HLTF: variants seen among roughly 807,000 people sequenced by gnomAD.
HLTF encodes helicase like transcription factor.
In HLTF, 127 loss-of-function variants were observed where a neutral mutation model predicts 129.4. The ratio of observed to expected loss-of-function variants is 0.98; its 90% CI spans 0.85 to 1.14. HLTF has a LOEUF of 1.14. Among genes scored for constraint, HLTF ranks in the 50% most tolerant of loss-of-function variants. HLTF has a pLI of 0.00. For synonymous variants in HLTF, 332 were observed against 388.8 expected (o/e 0.85, Z 1.72); for missense variants, 1,139 against 1,187.1 (o/e 0.96, Z 0.60).
chr3:149,082,656 T>C (rs1005285179), intron 2 of HLTF, among the ~76,000 whole-genome samples: 1 of 152,184 alleles, frequency 6.6e-6, no homozygotes, highest in African/African-American at 2.4e-5. Flanking sequence ...CATTTTATCA[T>C]ACGTAAACCA....
chr3:149,034,162 T>C (rs1232552833), intron 24 of HLTF, among the ~76,000 whole-genome samples: 1 of 152,150 alleles, frequency 6.6e-6, no homozygotes, highest in Non-Finnish European at 1.5e-5. Flanking sequence ...AAGCATAAAT[T>C]AACAATTTTC....
In HLTF at chr3:149,073,022, G is replaced by A. The variant is rs568273428; in HGVS notation, c.627+203C>T. Among the ~76,000 whole-genome samples the A allele has an allele frequency of 1.2e-4, 19 of 152,110 alleles. No individual in the cohort carries two copies. The South Asian group carries it at 3.5e-3, about 28-fold the overall frequency. On this transcript the variant is annotated intron_variant, in intron 5 of 24. Transcript: ENST00000310053. ...TTGTATGTTGGGTACAAATGTTCAC[G>A]TATGGATTTATTCCTTATCAGTACT... is the stretch of plus-strand genomic sequence containing the variant.
Position 149,064,802 on chromosome 3 carries a change from C to T in HLTF, c.1055G>A (p.Gly352Glu). The change falls in exon 9 of 25, where the codon GGA (glycine) becomes GAA (glutamate). Residue 352 changes from glycine (G) to glutamate (E), a missense_variant. Gly to Glu is a moderately conservative substitution (Grantham distance 98). Coordinates refer to ENST00000310053, the MANE Select transcript of HLTF (RefSeq NM_003071.4). ...GGNNTSEKADGLSKDASRCSE... is the reference protein window; with the variant it reads ...GGNNTSEKADELSKDASRCSE... ...AAATTAGCATTTACCTTTGCTTAGT[C>T]CATCTGCCTTTTCACTGGTATTGTT... 1 of 1,578,810 alleles carries T rather than the reference C, an allele frequency of 6.3e-7. No individual in the cohort carries two copies. Among genetic ancestry groups the T allele is most frequent in the Non-Finnish European group, 8.7e-7 (1 of 1,148,522 alleles).
At position 149,086,317 on chromosome 3, in the gene HLTF, C is replaced by A; in HGVS notation, c.20G>T (p.Arg7Met). 1.2e-6 allele frequency: 2 copies of A among 1,603,174 alleles called. No individual in the cohort carries two copies. Among genetic ancestry groups the A allele is most frequent in the South Asian group, 1.1e-5 (1 of 88,994 alleles). Residue 7 changes from arginine to methionine, a missense_variant and splice_region_variant, in exon 1 of 25, where the codon AGG (arginine) becomes ATG (methionine). Transcript: ENST00000310053. ...GCCCCACCCCCTCCGCCCCCTTCAC[C>A]TCTTGAACATCCAGGACATGGCGCT... MSWMFKRDPVWKYLQTV... is the reference protein window; with the variant it reads MSWMFKMDPVWKYLQTV...
chr3:149,046,234 TA>T lies in HLTF; in HGVS notation c.1917del (p.Asn639LysfsTer43), dbSNP rs1360054340. ...CTTGTCTTTGTTCTTCTAAGTGTAATATTTTTAATTAGGGACTGTAAACGCC... is the reference window on the plus strand; with the variant it reads ...CTTGTCTTTGTTCTTCTAAGTGTAATTTTTTAATTAGGGACTGTAAACGCC... ...GLRRLQSLIK[N>X]ITLRRTKTSK... On this transcript the variant is annotated frameshift_variant, in exon 18 of 25. Transcript: ENST00000310053. LOFTEE classifies it high-confidence loss of function. 11 of 1,581,258 alleles carry T rather than the reference TA, an allele frequency of 7.0e-6. No individual in the cohort carries two copies. Among genetic ancestry groups the T allele is most frequent in the Non-Finnish European group, 9.5e-6 (11 of 1,156,604 alleles).
chr3:149,086,161 C>A (rs940379337), intron 1 of HLTF, among the ~76,000 whole-genome samples, 156 bp downstream of exon 1: 2 of 152,208 alleles, frequency 1.3e-5, no homozygotes, highest in African/African-American at 2.4e-5. Context: ...GAAGACAATG[C>A]ATTTATTTCT....
chr3:149,061,214 T>C (rs1377241899), intron 10 of HLTF, among the ~76,000 whole-genome samples: 2 of 151,872 alleles, frequency 1.3e-5, no homozygotes, highest in Non-Finnish European at 2.9e-5. Context: ...GGACTACAGG[T>C]GCGTGCCACT....
intron 14 of HLTF, 50 bp downstream of exon 14, chr3:149,055,253 G>C: frequency 7.8e-7 from 1 of 1,290,074 alleles, no homozygotes; most frequent in Non-Finnish European, 1.1e-6. Context: ...TTTCTACCTT[G>C]TAGATAAAAT....
At chr3:149,051,629 G>A (rs1037793208) in intron 14 of HLTF, among the ~76,000 whole-genome samples, 20 of 152,370 alleles carry the variant, frequency 1.3e-4, no homozygotes, top group African/African-American at 4.8e-4. Flanking sequence ...GGGAGGCCAA[G>A]GCGGGTGGAT....
In HLTF at chr3:149,036,297, G is replaced by GTTTTTTTTTTTTTTT. The variant is rs71135656; in HGVS notation, c.2797-1300_2797-1299insAAAAAAAAAAAAAAA. 9.0e-4 allele frequency among the ~76,000 whole-genome samples: 97 copies of GTTTTTTTTTTTTTTT among 107,964 alleles called. 8 individuals carry two copies. The highest frequency in any genetic ancestry group is 2.1e-3 in the African/African-American group (56 of 26,254). The allele number at this position is 107,964 out of a possible 152,430, so 70.8% of individuals were successfully genotyped here. A position where few individuals can be genotyped will look rare whatever the true frequency, so the allele number is the denominator to read the frequency against. On this transcript the variant is annotated intron_variant, in intron 23 of 24. Coordinates refer to ENST00000310053, the MANE Select transcript of HLTF (RefSeq NM_003071.4). ...TTAAATTTTAAATTAAAACTATGAG[G>GTTTTTTTTTTTTTTT]TTTTTTTTTTGAGATGGAGTCTCGC... is the stretch of plus-strand genomic sequence containing the variant.
At chr3:149,055,864 T>G (rs1467750135) in intron 13 of HLTF, among the ~76,000 whole-genome samples, 4 of 152,228 alleles carry the variant, frequency 2.6e-5, no homozygotes, top group Non-Finnish European at 5.9e-5. Context: ...ACTTCTGAGA[T>G]AGATTACAAA....
chr3:149,067,581 T>C (rs537657849), intron 8 of HLTF, among the ~76,000 whole-genome samples: 20 of 152,064 alleles, frequency 1.3e-4, no homozygotes, highest in African/African-American at 4.6e-4. Flanking sequence ...TAGCTGACCA[T>C]AGGCTCAAAC....
In HLTF at chr3:149,039,051, G is replaced by C; in HGVS notation, c.2794C>G (p.Pro932Ala). The C allele has an allele frequency of 6.5e-7, 1 of 1,530,494 alleles. No homozygotes were observed. The highest frequency in any genetic ancestry group is 8.8e-7 in the Non-Finnish European group (1 of 1,140,498). The allele number at this position is 1,530,494 out of a possible 1,614,324, so 94.8% of individuals were successfully genotyped here. The change falls in exon 23 of 25, where the codon CCA becomes GCA. Residue 932 changes from proline (P) to alanine (A), a missense_variant and splice_region_variant. Physicochemically the swap from Pro to Ala is conservative, Grantham distance 27. Transcript: ENST00000310053. The stretch of plus-strand genomic sequence containing the variant: ...AAAAAATTTACAGAACTACTTACTG[G>C]ATCCATTAAAAACACTCGAGAAGCT... ...SAASRVFLMD[P>A]AWNPAAEDQC...
At position 149,068,320 on chromosome 3, in the gene HLTF, C is replaced by A; in HGVS notation, c.910G>T (p.Ala304Ser). Residue 304 changes from alanine to serine, a missense_variant, in exon 8 of 25, where the codon GCC (alanine) becomes TCC (serine). By Grantham distance (99) the Ala-to-Ser change is moderately conservative (BLOSUM62 1). Coordinates refer to ENST00000310053, the MANE Select transcript of HLTF (RefSeq NM_003071.4). ...DDMGLGKTLT[A>S]IAVILTNFHD... is the part of the protein sequence containing the mutation. ...AAGTTGGTAAGGATTACTGCAATGG[C>A]CGTAAGAGTTTTACCCTTAAAAATG... is the stretch of plus-strand genomic sequence containing the variant. The A allele has an allele frequency of 6.5e-7, 1 of 1,531,280 alleles. No homozygotes were observed. The highest frequency in any genetic ancestry group is 9.0e-7 in the Non-Finnish European group (1 of 1,112,462). The allele number at this position is 1,531,280 out of a possible 1,614,324, so 94.9% of individuals were successfully genotyped here.
At chr3:149,047,101 A>G (rs1479071405) in intron 17 of HLTF, among the ~76,000 whole-genome samples, 1 of 152,154 alleles carries the variant, frequency 6.6e-6, no homozygotes, top group African/African-American at 2.4e-5. Flanking sequence ...TCTCTATTTC[A>G]TTGTCTTTTT....
chr3:149,058,509 A>G (rs1559869009), intron 13 of HLTF, among the ~76,000 whole-genome samples: 1 of 152,182 alleles, frequency 6.6e-6, no homozygotes, highest in Non-Finnish European at 1.5e-5. Context: ...AATTGTTTGG[A>G]AAGTTCTTAC....
chr3:149,061,817 C>A (rs1202667714), intron 10 of HLTF, among the ~76,000 whole-genome samples: 3 of 140,474 alleles, frequency 2.1e-5, no homozygotes, highest in Non-Finnish European at 4.5e-5. Flanking sequence ...GCCTGGGCGA[C>A]AGGAGCAAAA....
In HLTF at chr3:149,073,233, T is replaced by C. The variant is rs751760699; in HGVS notation, c.619A>G (p.Thr207Ala). ...MPVHAAVQMT[T>A]EQLKTEFDKL... Reference sequence around the variant, plus strand: ...ATAAAAGAGAAGCACACCTGTTCAGTTGTCATCTGTACTGCAGCATGCACT... The same window carrying C: ...ATAAAAGAGAAGCACACCTGTTCAGCTGTCATCTGTACTGCAGCATGCACT... Residue 207 changes from threonine (T) to alanine (A), a missense_variant, in exon 5 of 25, where the codon ACT (threonine) becomes GCT (alanine). Coordinates refer to ENST00000310053, the MANE Select transcript of HLTF (RefSeq NM_003071.4). 36 of 1,597,546 alleles carry C rather than the reference T, an allele frequency of 2.3e-5. No individual in the cohort carries two copies. The highest frequency in any genetic ancestry group is 3.0e-5 in the Non-Finnish European group (35 of 1,170,848).
At chr3:149,070,774 G>A (rs1342199685) in intron 7 of HLTF, among the ~76,000 whole-genome samples, 1 of 152,158 alleles carries the variant, frequency 6.6e-6, no homozygotes, top group Non-Finnish European at 1.5e-5. Context: ...GCCAGGCAGG[G>A]TGGCTCACAT....
Sources: gnomAD v4.1 joint callset for allele counts (sites outside exome capture counted in the v4.1 genomes callset) on GRCh38, gnomAD v4.1.1 for gene constraint, MANE v1.5 for transcripts, NCBI Gene and HGNC (gene_info 2026-07-23, HGNC 2026-07-21) for gene names.